The following CSMD1 variants were observed in gnomAD, a reference collection of about 807,000 sequenced individuals.
CSMD1 encodes CUB and sushi domain-containing protein 1.
CSMD1 carries 213 observed loss-of-function variants against 417.5 expected under a neutral mutation model. The observed-to-expected ratio is 0.51, with a 90% CI of 0.46 to 0.57. The LOEUF (loss-of-function observed/expected upper bound fraction) is 0.57, where lower values mean the gene tolerates loss of function less well. CSMD1 is among the 20% of genes least tolerant of loss of function. The pLI, the probability that CSMD1 is intolerant of heterozygous loss-of-function variation, is 0.00. For synonymous variants in CSMD1, 2,862 were observed against 1,736.8 expected (o/e 1.65, Z -16.11); for missense variants, 6,923 against 4,529.7 (o/e 1.53, Z -15.17).
At chr8:3,070,281 G>T (rs922137312) in intron 49 of CSMD1, among the ~76,000 whole-genome samples, 2 of 152,218 alleles carry the variant, frequency 1.3e-5, no homozygotes, top group Non-Finnish European at 2.9e-5. Flanking sequence ...CTGCTCCACA[G>T]CCTTCTTGAA....
intron 2 of CSMD1, among the ~76,000 whole-genome samples, chr8:4,466,095 G>A (rs796186252): frequency 3.9e-5 from 6 of 152,284 alleles, no homozygotes; most frequent in African/African-American, 1.4e-4. Context: ...TAAATATCAT[G>A]ACACCAGCTC....
intron 3 of CSMD1, among the ~76,000 whole-genome samples, chr8:4,254,092 T>C (rs796618): frequency 1.3e-5 from 2 of 151,864 alleles, no homozygotes; most frequent in African/African-American, 4.8e-5. Context: ...AATTTTTTTG[T>C]GTTTTTAGTA....
intron 50 of CSMD1, among the ~76,000 whole-genome samples, 152 bp from the exon 51 acceptor site, chr8:3,029,665 C>T (rs1309048310): frequency 6.7e-6 from 1 of 150,038 alleles, no homozygotes; most frequent in African/African-American, 2.4e-5. Context: ...TCTCTACCAC[C>T]CACATAGACA....
intron 39 of CSMD1, among the ~76,000 whole-genome samples, chr8:3,156,135 C>A (rs943541190): frequency 6.6e-6 from 1 of 152,192 alleles, no homozygotes; most frequent in Admixed American, 6.5e-5. Flanking sequence ...TAAGGCTATT[C>A]TGTGGCCTTT....
In CSMD1 at chr8:4,400,484, T is replaced by C. The variant is rs370402342; in HGVS notation, c.415+19469A>G. Among the ~76,000 whole-genome samples the C allele has an allele frequency of 2.1e-4, 32 of 152,336 alleles. No individual in the cohort carries two copies. The East Asian group carries it at 5.2e-3, about 25-fold the overall frequency. ...CATTTGCTCCACGCAAATTCTTGTG[T>C]TCAGCAACATCACGAGTTCTAAAAA... On this transcript the variant is annotated intron_variant, in intron 3 of 69. Coordinates refer to ENST00000635120, the MANE Select transcript of CSMD1 (RefSeq NM_033225.6).
At chr8:3,293,206 G>C (rs1256056599) in intron 25 of CSMD1, among the ~76,000 whole-genome samples, 1 of 152,154 alleles carries the variant, frequency 6.6e-6, no homozygotes, top group Non-Finnish European at 1.5e-5. Context: ...CTGTTGGTCT[G>C]ATGGGCTTCC....
intron 1 of CSMD1, among the ~76,000 whole-genome samples, chr8:4,700,812 T>C (rs1447423219): frequency 6.6e-6 from 1 of 152,104 alleles, no homozygotes; most frequent in Non-Finnish European, 1.5e-5. Flanking sequence ...TAGAACGGAT[T>C]AGAGCATGAA....
chr8:4,671,513 G>C (rs915964517), intron 1 of CSMD1, among the ~76,000 whole-genome samples: 1 of 152,162 alleles, frequency 6.6e-6, no homozygotes, highest in Non-Finnish European at 1.5e-5. Context: ...TGTCGGCAAA[G>C]TGTGACTGGC....
intron 3 of CSMD1, among the ~76,000 whole-genome samples, chr8:4,418,931 A>G (rs1049148066): frequency 1.9e-4 from 29 of 152,190 alleles, no homozygotes; most frequent in African/African-American, 6.8e-4. Flanking sequence ...ACTTTAAGCA[A>G]AAGGATAAGT....
intron 46 of CSMD1, among the ~76,000 whole-genome samples, chr8:3,098,370 C>A (rs1446064740): frequency 6.6e-6 from 1 of 152,170 alleles, no homozygotes; most frequent in African/African-American, 2.4e-5. Context: ...ATTCAAGTAA[C>A]TGCCTTTTGA....
At chr8:3,763,061 G>C (rs1480295468) in intron 5 of CSMD1, among the ~76,000 whole-genome samples, 55 of 152,132 alleles carry the variant, frequency 3.6e-4, no homozygotes, top group Non-Finnish European at 1.5e-4. Flanking sequence ...CGAGATTGAA[G>C]CCTGTCCTAT....
chr8:4,921,661 G>A (rs1458961295), intron 1 of CSMD1, among the ~76,000 whole-genome samples: 4 of 152,188 alleles, frequency 2.6e-5, no homozygotes, highest in Non-Finnish European at 4.4e-5. Flanking sequence ...ACCCACAGAA[G>A]TGATGGGTGT....
At chr8:4,639,088 C>T (rs1347112711) in intron 1 of CSMD1, among the ~76,000 whole-genome samples, 1 of 152,094 alleles carries the variant, frequency 6.6e-6, no homozygotes, top group Non-Finnish European at 1.5e-5. Context: ...AAATGCCTGC[C>T]TTGTCAGCCT....
At chr8:4,399,754 C>T (rs907919783) in intron 3 of CSMD1, among the ~76,000 whole-genome samples, 3 of 152,236 alleles carry the variant, frequency 2.0e-5, no homozygotes, top group Non-Finnish European at 4.4e-5. Flanking sequence ...ATACATCAGG[C>T]TCCTGAATTT....
chr8:4,792,505 T>A (rs1459115441), intron 1 of CSMD1, among the ~76,000 whole-genome samples: 1 of 152,226 alleles, frequency 6.6e-6, no homozygotes, highest in Non-Finnish European at 1.5e-5. Context: ...CCTGGGCAGT[T>A]GTGGTTGCTG....
At chr8:3,605,773 G>A (rs1393742531) in intron 8 of CSMD1, among the ~76,000 whole-genome samples, 1 of 152,144 alleles carries the variant, frequency 6.6e-6, no homozygotes, top group African/African-American at 2.4e-5. Flanking sequence ...CAGTTTTTAA[G>A]TCATAAATAG....
At chr8:4,429,586 GA>G (rs1797755727) in intron 2 of CSMD1, among the ~76,000 whole-genome samples, 1 of 152,106 alleles carries the variant, frequency 6.6e-6, no homozygotes, top group African/African-American at 2.4e-5. Context: ...ACTGATTTAG[GA>G]GGCAAAGAAA....
intron 2 of CSMD1, among the ~76,000 whole-genome samples, chr8:4,473,296 A>T (rs907672186): frequency 6.6e-6 from 1 of 152,238 alleles, no homozygotes; most frequent in Non-Finnish European, 1.5e-5. Flanking sequence ...ATGACAATCA[A>T]TGTGAGTTCT....
At chr8:4,145,997 C>G (rs141569436) in intron 3 of CSMD1, among the ~76,000 whole-genome samples, 45 of 150,920 alleles carry the variant, frequency 3.0e-4, no homozygotes, top group Non-Finnish European at 2.6e-4. Context: ...ATTTTGTACC[C>G]TGCACTAACT....
Sources: allele counts gnomAD v4.1 joint callset (sites outside exome capture counted in the v4.1 genomes callset), GRCh38; gene constraint gnomAD v4.1.1; transcripts MANE v1.5; gene names NCBI Gene and HGNC (gene_info 2026-07-23, HGNC 2026-07-21).